Variants in ACTR1A observed in about 807,000 individuals in gnomAD.
The protein encoded by ACTR1A is alpha-centractin.
In ACTR1A, 10 loss-of-function variants were observed where a neutral mutation model predicts 50.7. The ratio of observed to expected loss-of-function variants is 0.20; its 90% confidence interval spans 0.12 to 0.33. The LOEUF (loss-of-function observed/expected upper bound fraction) is 0.33, where lower values mean the gene tolerates loss of function less well. Ranked by LOEUF, ACTR1A falls within the 10% of genes least tolerant of loss-of-function variation. The pLI, the probability that ACTR1A is intolerant of heterozygous loss-of-function variation, is 1.00. For missense variants in ACTR1A, 253 were observed against 491.7 expected (o/e 0.51, Z 4.59); for synonymous variants, 177 against 184.2 (o/e 0.96, Z 0.32).
At chr10:102,484,517 T>C (rs1413430677) in intron 5 of ACTR1A, 141 bp from the exon 6 acceptor site, 2 of 709,856 alleles carry the variant, frequency 2.8e-6, no homozygotes, top group Non-Finnish European at 4.7e-6. Flanking sequence ...GACTGGGTAC[T>C]AAGGAAGCCC....
chr10:102,491,554 G>C (rs756115559), intron 1 of ACTR1A, among the ~76,000 whole-genome samples: 27 of 152,174 alleles, frequency 1.8e-4, no homozygotes, highest in Non-Finnish European at 3.2e-4. Flanking sequence ...GAGAAGCAAA[G>C]ACTAAAGCCT....
At chr10:102,491,646 T>C (rs2062194816) in intron 1 of ACTR1A, among the ~76,000 whole-genome samples, 2 of 152,148 alleles carry the variant, frequency 1.3e-5, no homozygotes, top group Non-Finnish European at 2.9e-5. Flanking sequence ...AGAATCTGAG[T>C]TCTCCCAGCA....
In ACTR1A at chr10:102,479,408, C is replaced by T. The variant is rs900296827; in HGVS notation, c.*1455G>A. On this transcript the variant is annotated 3_prime_UTR_variant, in exon 11 of 11. Transcript: ENST00000369905. This position sits in a 1 kb window ranked among gnomAD's most constrained non-coding sequence, Gnocchi z 4.0. ...CACATACCTGCTGCTGTGGCCCACACCTGGCAGGGGCCTTTGGTCATAGGA... is the reference window on the plus strand; with the variant it reads ...CACATACCTGCTGCTGTGGCCCACATCTGGCAGGGGCCTTTGGTCATAGGA... 2.7e-6 allele frequency: 1 copy of T among 375,262 alleles called. No homozygotes were observed. The highest frequency in any genetic ancestry group is 5.1e-6 in the Non-Finnish European group (1 of 195,844). The allele number at this position is 375,262 out of a possible 1,614,324, so 23.2% of individuals were successfully genotyped here. A position where few individuals can be genotyped will look rare whatever the true frequency, so the allele number is the denominator to read the frequency against.
Position 102,482,672 on chromosome 10 carries a change from G to A in ACTR1A, c.750+339C>T. ...AGGAGCTCTGCTGCTCCAGAGAGAGGGTGTAAGGCTGGGGTGTCCAGTCTT... is the reference window on the plus strand; with the variant it reads ...AGGAGCTCTGCTGCTCCAGAGAGAGAGTGTAAGGCTGGGGTGTCCAGTCTT... On this transcript the variant is annotated intron_variant, in intron 7 of 10. Transcript: ENST00000369905. This position sits in a 1 kb window ranked among gnomAD's most constrained non-coding sequence, Gnocchi z 5.6. The A allele has an allele frequency of 3.2e-6, 1 of 313,822 alleles. No homozygotes were observed. 19.4% of individuals were successfully genotyped at this position (313,822 alleles called of 1,614,324 possible). A position where few individuals can be genotyped will look rare whatever the true frequency, so the allele number is the denominator to read the frequency against.
chr10:102,502,121 CAG>C (rs959454403), intron 1 of ACTR1A, among the ~76,000 whole-genome samples: 6 of 152,226 alleles, frequency 3.9e-5, no homozygotes, highest in Non-Finnish European at 5.9e-5. Context: ...CCAATCCCCA[CAG>C]CCCTGGAGCA....
At position 102,479,440 on chromosome 10, in the gene ACTR1A, G is replaced by A. The variant is rs988421081; in HGVS notation, c.*1423C>T. ...GGGGCCTTTGGTCATAGGACGGCGTGGGGGAGAATACTGTGTGAAGTCTGG... is the reference window on the plus strand; with the variant it reads ...GGGGCCTTTGGTCATAGGACGGCGTAGGGGAGAATACTGTGTGAAGTCTGG... On this transcript the variant is annotated 3_prime_UTR_variant, in exon 11 of 11. Transcript: ENST00000369905. This position sits in a 1 kb window ranked among gnomAD's most constrained non-coding sequence, Gnocchi z 4.0. 2 of 399,894 alleles carry A rather than the reference G, an allele frequency of 5.0e-6. No homozygotes were observed. The highest frequency in any genetic ancestry group is 7.3e-5 in the East Asian group (1 of 13,708). 24.8% of individuals were successfully genotyped at this position (399,894 alleles called of 1,614,324 possible). A position where few individuals can be genotyped will look rare whatever the true frequency, so the allele number is the denominator to read the frequency against.
At chr10:102,499,666 T>A (rs543303703) in intron 1 of ACTR1A, among the ~76,000 whole-genome samples, 80 of 152,342 alleles carry the variant, frequency 5.3e-4, no homozygotes, top group Non-Finnish European at 9.1e-4. Flanking sequence ...AGACAGGTTG[T>A]TCCTTCTGCA....
chr10:102,497,693 A>G (rs1275970901), intron 1 of ACTR1A, among the ~76,000 whole-genome samples: 1 of 152,088 alleles, frequency 6.6e-6, no homozygotes, highest in African/African-American at 2.4e-5. Context: ...TGTATTGCCC[A>G]GGCTGGCCTT....
Position 102,482,706 on chromosome 10 carries a change from C to A in ACTR1A, c.750+305G>T. ...CTGGGGTGTCCAGTCTTTTGGCTTC[C>A]CTGGGCCACATTGGAAGAAGAATTG... On this transcript the variant is annotated intron_variant, in intron 7 of 10. Transcript: ENST00000369905. The surrounding 1 kb of genome is among the most constrained non-coding windows in gnomAD (Gnocchi z 5.6). The A allele has an allele frequency of 2.8e-6, 1 of 357,598 alleles. No homozygotes were observed. The highest frequency in any genetic ancestry group is 3.7e-5 in the South Asian group (1 of 27,378). 22.2% of individuals were successfully genotyped at this position (357,598 alleles called of 1,614,324 possible).
chr10:102,501,953 C>G (rs2062254298), intron 1 of ACTR1A, among the ~76,000 whole-genome samples: 1 of 152,226 alleles, frequency 6.6e-6, no homozygotes, highest in Admixed American at 6.5e-5. Flanking sequence ...ACAGTAATAG[C>G]TGACATCCTA....
intron 5 of ACTR1A, 91 bp downstream of exon 5, chr10:102,485,518 T>G: frequency 1.3e-6 from 2 of 1,540,182 alleles, no homozygotes. Context: ...GGGGCTCAAG[T>G]TACTCTGAAC....
chr10:102,487,416 C>T (rs1168354968), intron 4 of ACTR1A, among the ~76,000 whole-genome samples: 1 of 151,942 alleles, frequency 6.6e-6, no homozygotes, highest in Non-Finnish European at 1.5e-5. Context: ...CCCCACCACA[C>T]ACACACACAC....
At chr10:102,491,932 ATT>A (rs558164702) in intron 1 of ACTR1A, among the ~76,000 whole-genome samples, 23 of 134,484 alleles carry the variant, frequency 1.7e-4, no homozygotes, top group Non-Finnish European at 1.7e-4. Context: ...TGCCTGGCTA[ATT>A]TTTTTTTTTT....
chr10:102,487,647 T>A (rs1385002497), intron 4 of ACTR1A, among the ~76,000 whole-genome samples: 4 of 150,726 alleles, frequency 2.7e-5, no homozygotes, highest in Non-Finnish European at 5.9e-5. Context: ...TTTTTTTTTT[T>A]TTGGGACGGA....
intron 1 of ACTR1A, among the ~76,000 whole-genome samples, chr10:102,497,171 G>GA (rs968687001): frequency 0.19 from 13,069 of 69,410 alleles, 1,209 homozygotes; most frequent in East Asian, 0.34. Flanking sequence ...TCCATCTCAG[G>GA]AAAAAAAAAA....
chr10:102,484,401 C>T, intron 5 of ACTR1A, 25 bp from the exon 6 acceptor site: 1 of 1,574,060 alleles, frequency 6.4e-7, no homozygotes, highest in Non-Finnish European at 8.7e-7. Flanking sequence ...CAAACCGTCA[C>T]TCAGCACTGC....
rs1478683543 is a variant in ACTR1A at position 102,480,469 on chromosome 10, GGGGGTGA to G, written c.*387_*393del. On this transcript the variant is annotated 3_prime_UTR_variant, in exon 11 of 11. Coordinates refer to ENST00000369905, the MANE Select transcript of ACTR1A (RefSeq NM_005736.4). ...TGGGGCCTCAGGGCACCCTGGGGGTGGGGGTGAGGGTGGGGCCAGCCCAGCCTAGGAT... is the reference window on the plus strand; with the variant it reads ...TGGGGCCTCAGGGCACCCTGGGGGTGGGGTGGGGCCAGCCCAGCCTAGGAT... 4 of 211,410 alleles carry G rather than the reference GGGGGTGA, an allele frequency of 1.9e-5. No homozygotes were observed. Among genetic ancestry groups the G allele is most frequent in the African/African-American group, 9.2e-5 (4 of 43,424 alleles). 13.1% of individuals were successfully genotyped at this position (211,410 alleles called of 1,614,324 possible).
chr10:102,484,058 C>G (rs958447879), intron 6 of ACTR1A, 102 bp downstream of exon 6: 3 of 1,141,914 alleles, frequency 2.6e-6, no homozygotes, highest in Admixed American at 3.9e-5. Context: ...CCAGGGACCC[C>G]CAGGCAGGTG....
chr10:102,482,013 T>C lies in ACTR1A; in HGVS notation c.913A>G (p.Thr305Ala). ...AGAAGAGACAAACCTTTGAACAGGG[T>C]AGAGCCTCCTGAGAGGACAATGTTA... is the stretch of plus-strand genomic sequence containing the variant. ...FSNIVLSGGS[T>A]LFKGFGDRLL... Residue 305 changes from threonine to alanine, a missense_variant, in exon 8 of 11, where the codon ACC (threonine) becomes GCC (alanine). This residue lies in a region of ACTR1A where 27 missense variants were observed against 80.7 expected (regional missense o/e 0.33). Coordinates refer to ENST00000369905, the MANE Select transcript of ACTR1A (RefSeq NM_005736.4). The surrounding 1 kb of genome is among the most constrained non-coding windows in gnomAD (Gnocchi z 5.6). 6.2e-7 allele frequency: 1 copy of C among 1,613,990 alleles called. No individual in the cohort carries two copies. The highest frequency in any genetic ancestry group is 8.5e-7 in the Non-Finnish European group (1 of 1,179,998).
Sources: allele counts gnomAD v4.1 joint callset (sites outside exome capture counted in the v4.1 genomes callset), GRCh38; gene constraint gnomAD v4.1.1; regional missense constraint gnomAD v4.1.1; non-coding constraint Gnocchi (gnomAD v3.1); transcripts MANE v1.5; gene names NCBI Gene and HGNC (gene_info 2026-07-23, HGNC 2026-07-21).